Variants in TNKS2 observed in about 807,000 individuals in gnomAD.
TNKS2 encodes the protein tankyrase 2, also known as poly [ADP-ribose] polymerase tankyrase-2.
A neutral mutation model predicts 137.6 loss-of-function variants in TNKS2; 72 were observed. The observed-to-expected ratio is 0.52, with a 90% CI of 0.43 to 0.64. The LOEUF (loss-of-function observed/expected upper bound fraction) is 0.64, where lower values mean the gene tolerates loss of function less well. Ranked by LOEUF, TNKS2 falls within the 30% of genes least tolerant of loss-of-function variation. The pLI is 0.00. For missense variants in TNKS2, 1,049 were observed against 1,410.2 expected (o/e 0.74, Z 4.10); for synonymous variants, 516 against 512.1 (o/e 1.01, Z -0.10).
At chr10:91,802,369 G>A (rs1421916197) in intron 1 of TNKS2, among the ~76,000 whole-genome samples, 1 of 152,210 alleles carries the variant, frequency 6.6e-6, no homozygotes, top group Non-Finnish European at 1.5e-5. Context: ...GAATCACAAA[G>A]AGTGAGTGGA....
chr10:91,835,481 G>GAGTTTCACTATGTTGGCC (rs1248179962), intron 12 of TNKS2, among the ~76,000 whole-genome samples: 1 of 151,048 alleles, frequency 6.6e-6, no homozygotes, highest in Non-Finnish European at 1.5e-5. Context: ...AGTAGAGACA[G>GAGTTTCACTATGTTGGCC]AGTTTCACTA....
At chr10:91,821,454 A>T (rs1240859569) in intron 6 of TNKS2, among the ~76,000 whole-genome samples, 1 of 152,160 alleles carries the variant, frequency 6.6e-6, no homozygotes, top group Non-Finnish European at 1.5e-5. Context: ...AAGGAAAGCC[A>T]TGAACCTTTA....
intron 13 of TNKS2, among the ~76,000 whole-genome samples, chr10:91,838,884 T>G (rs1405670515): frequency 3.3e-5 from 5 of 152,224 alleles, no homozygotes; most frequent in Admixed American, 2.6e-4. Context: ...TTTGTTTGTT[T>G]GAGATGGAGT....
chr10:91,865,031 T>G lies in TNKS2; in HGVS notation c.*2032T>G, dbSNP rs1842940965. 1 of 152,544 alleles carries G rather than the reference T, an allele frequency of 6.6e-6. No individual in the cohort carries two copies. Among genetic ancestry groups the G allele is most frequent in the Non-Finnish European group, 1.5e-5 (1 of 68,000 alleles). The allele number at this position is 152,544 out of a possible 1,614,324, so 9.4% of individuals were successfully genotyped here. On this transcript the variant is annotated 3_prime_UTR_variant, in exon 27 of 27. Coordinates refer to ENST00000371627, the MANE Select transcript of TNKS2 (RefSeq NM_025235.4). ...GTTCATATGTTAGCATGGCAGCATT[T>G]TCAGATAGCTTTTTGTTTGTTGGGA...
At chr10:91,851,716 C>G (rs1842542922) in intron 21 of TNKS2, among the ~76,000 whole-genome samples, 1 of 152,118 alleles carries the variant, frequency 6.6e-6, no homozygotes. Flanking sequence ...ACTAAGTGTT[C>G]AGGCTAACCC....
intron 14 of TNKS2, among the ~76,000 whole-genome samples, chr10:91,841,001 C>T (rs1234588853): frequency 1.3e-5 from 2 of 151,908 alleles, no homozygotes; most frequent in Non-Finnish European, 2.9e-5. Context: ...TTTTTTAATT[C>T]TTCCAGTTTA....
chr10:91,837,022 G>A, intron 13 of TNKS2, 24 bp downstream of exon 13: 16 of 1,606,232 alleles, frequency 1.0e-5, no homozygotes, highest in Non-Finnish European at 1.4e-5. Flanking sequence ...TTACGTTTCT[G>A]TTAACTTTGG....
intron 25 of TNKS2, among the ~76,000 whole-genome samples, 190 bp from the exon 26 acceptor site, chr10:91,861,809 T>C (rs1842859132): frequency 6.6e-6 from 1 of 152,176 alleles, no homozygotes; most frequent in Non-Finnish European, 1.5e-5. Context: ...ACTAACTAAA[T>C]TGACAAATTA....
chr10:91,803,330 A>ATGGTGACACCTCATCTCTTGT (rs1844232890), intron 1 of TNKS2, among the ~76,000 whole-genome samples: 1 of 151,992 alleles, frequency 6.6e-6, no homozygotes, highest in Non-Finnish European at 1.5e-5. Flanking sequence ...CTGGGCAACA[A>ATGGTGACACCTCATCTCTTGT]TGGTGACACC....
chr10:91,800,565 A>AT (rs1219285952), intron 1 of TNKS2, among the ~76,000 whole-genome samples: 1 of 151,988 alleles, frequency 6.6e-6, no homozygotes, highest in African/African-American at 2.4e-5. Flanking sequence ...TTCAAAGCAT[A>AT]TTTTTTACAT....
intron 7 of TNKS2, among the ~76,000 whole-genome samples, chr10:91,824,278 C>T (rs1355752391): frequency 6.6e-6 from 1 of 152,170 alleles, no homozygotes; most frequent in African/African-American, 2.4e-5. Flanking sequence ...AGTTTGGCTA[C>T]CAGAAGCTGG....
At chr10:91,849,092 C>T (rs1842467269) in intron 19 of TNKS2, among the ~76,000 whole-genome samples, 1 of 152,252 alleles carries the variant, frequency 6.6e-6, no homozygotes, top group Admixed American at 6.5e-5. Context: ...CCGCCTCGGC[C>T]TCCCAAAGTG....
intron 25 of TNKS2, 141 bp downstream of exon 25, chr10:91,859,789 T>G (rs1842805692): frequency 3.4e-6 from 2 of 580,496 alleles, no homozygotes; most frequent in Non-Finnish European, 5.9e-6. Flanking sequence ...CTCTCACCAA[T>G]TGTAATAATA....
chr10:91,841,213 C>T lies in TNKS2; in HGVS notation c.1674-70C>T, dbSNP rs1358846027. On this transcript the variant is annotated intron_variant, in intron 14 of 26. Coordinates refer to ENST00000371627, the MANE Select transcript of TNKS2 (RefSeq NM_025235.4). ...ATGTAGTTCAAGAATTATCTTTCAT[C>T]AGTTATATGTAATTATTTAAATTAA... 4 of 1,247,526 alleles carry T rather than the reference C, an allele frequency of 3.2e-6. No homozygotes were observed. The African/African-American group carries it at 6.2e-5, about 19-fold the overall frequency. 77.3% of individuals were successfully genotyped at this position (1,247,526 alleles called of 1,614,324 possible).
At chr10:91,837,061 T>G in intron 13 of TNKS2, 63 bp downstream of exon 13, 1 of 1,526,622 alleles carries the variant, frequency 6.6e-7, no homozygotes, top group Admixed American at 1.9e-5. Context: ...TTATTTAATC[T>G]GTACTGTTAC....
Position 91,836,982 on chromosome 10 carries a change from A to T in TNKS2, c.1511A>T (p.Asp504Val). 3 of 1,613,384 alleles carry T rather than the reference A, an allele frequency of 1.9e-6. No homozygotes were observed. The highest frequency in any genetic ancestry group is 2.5e-6 in the Non-Finnish European group (3 of 1,179,664). The change falls in exon 13 of 27, where the codon GAT (aspartate) becomes GTT (valine). Residue 504 changes from aspartate to valine, a missense_variant. Transcript: ENST00000371627. ...TTGCTGGAAGCTGCAAAGGCTGGAG[A>T]TGTCGAAACTGTAAAAGTAAGATAC... ...RQLLEAAKAGDVETVKKLCTV... is the reference protein window; with the variant it reads ...RQLLEAAKAGVVETVKKLCTV...
chr10:91,845,275 G>A (rs1481010189), intron 17 of TNKS2, among the ~76,000 whole-genome samples: 1 of 152,180 alleles, frequency 6.6e-6, no homozygotes, highest in Non-Finnish European at 1.5e-5. Flanking sequence ...GTGAGATGTT[G>A]GTGATTGTGT....
chr10:91,808,889 G>A (rs186560508), intron 1 of TNKS2, among the ~76,000 whole-genome samples: 1 of 152,166 alleles, frequency 6.6e-6, no homozygotes, highest in East Asian at 1.9e-4. Context: ...TCTAAAACTT[G>A]GACTCTTCAT....
At chr10:91,833,832 A>C (rs1841900955) in intron 11 of TNKS2, 21 bp from the exon 12 acceptor site, 1 of 1,547,544 alleles carries the variant, frequency 6.5e-7, no homozygotes, top group Non-Finnish European at 8.7e-7. Context: ...GGCTAATTTC[A>C]ATTTTTTCTG....
Sources: gnomAD v4.1 joint callset for allele counts (sites outside exome capture counted in the v4.1 genomes callset) on GRCh38, gnomAD v4.1.1 for gene constraint, MANE v1.5 for transcripts, NCBI Gene and HGNC (gene_info 2026-07-23, HGNC 2026-07-21) for gene names.